The following DLGAP2 variants were observed in gnomAD, a reference collection of about 807,000 sequenced individuals.
The protein encoded by DLGAP2 is disks large-associated protein 2.
In DLGAP2, 26 loss-of-function variants were observed where a neutral mutation model predicts 100.3. The observed-to-expected ratio is 0.26, with a 90% CI of 0.19 to 0.36. DLGAP2 has a LOEUF of 0.36. Ranked by LOEUF, DLGAP2 falls within the 10% of genes least tolerant of loss-of-function variation. The probability of loss-of-function intolerance (pLI) is 1.00; values close to 1 mark genes in which losing one functional copy is unlikely to be tolerated. For missense variants in DLGAP2, 1,858 were observed against 1,453.2 expected (o/e 1.28, Z -4.53); for synonymous variants, 886 against 630.1 (o/e 1.41, Z -6.08).
intron 1 of DLGAP2, among the ~76,000 whole-genome samples, chr8:807,837 T>A (rs1339402022): frequency 2.0e-5 from 3 of 152,152 alleles, no homozygotes; most frequent in African/African-American, 7.2e-5. Flanking sequence ...ACGGGGGTGC[T>A]GGTGCACAGG....
intron 3 of DLGAP2, among the ~76,000 whole-genome samples, chr8:1,295,270 T>C (rs1800145004): frequency 6.6e-6 from 1 of 152,142 alleles, no homozygotes; most frequent in Non-Finnish European, 1.5e-5. Context: ...TTTCTTTCCA[T>C]GGGATAGATA....
intron 3 of DLGAP2, among the ~76,000 whole-genome samples, chr8:1,364,146 T>G (rs1802051970): frequency 6.6e-6 from 1 of 152,186 alleles, no homozygotes; most frequent in Non-Finnish European, 1.5e-5. Flanking sequence ...CCGTCTCCCG[T>G]GCCTCCTCCC....
intron 2 of DLGAP2, among the ~76,000 whole-genome samples, chr8:1,078,403 T>C (rs1803694251): frequency 6.6e-6 from 1 of 152,196 alleles, no homozygotes; most frequent in Non-Finnish European, 1.5e-5. Context: ...CCAGTATTGA[T>C]CCATGATTAT....
intron 12 of DLGAP2, among the ~76,000 whole-genome samples, chr8:1,683,023 C>T (rs1011214685): frequency 9.9e-5 from 15 of 151,394 alleles, no homozygotes; most frequent in Admixed American, 5.9e-4. Flanking sequence ...TGATTACTTA[C>T]GACGAAGCAA....
chr8:1,308,858 G>T (rs1188630852), intron 3 of DLGAP2, among the ~76,000 whole-genome samples: 1 of 152,004 alleles, frequency 6.6e-6, no homozygotes, highest in Non-Finnish European at 1.5e-5. Flanking sequence ...TCTTAAATAT[G>T]CCCCAAAACT....
intron 8 of DLGAP2, among the ~76,000 whole-genome samples, chr8:1,640,088 A>G (rs1585022439): frequency 6.6e-6 from 1 of 152,222 alleles, no homozygotes; most frequent in African/African-American, 2.4e-5. Flanking sequence ...GCATGAATGA[A>G]TGAGGTCTTC....
chr8:1,641,261 C>A (rs1002605915), intron 8 of DLGAP2, among the ~76,000 whole-genome samples: 2 of 152,194 alleles, frequency 1.3e-5, no homozygotes, highest in Non-Finnish European at 2.9e-5. Context: ...GTATCAGGAA[C>A]TGCATATGTA....
intron 5 of DLGAP2, among the ~76,000 whole-genome samples, chr8:1,560,693 T>G (rs188616828): frequency 6.6e-6 from 1 of 152,388 alleles, no homozygotes; most frequent in East Asian, 1.9e-4. Flanking sequence ...CCCAAAGTTG[T>G]GAATTCTTTA....
At chr8:1,292,955 G>A (rs563495307) in intron 3 of DLGAP2, among the ~76,000 whole-genome samples, 19 of 152,266 alleles carry the variant, frequency 1.2e-4, no homozygotes, top group East Asian at 5.8e-4. Flanking sequence ...GACCCTGGGC[G>A]TGTCCGTCTC....
chr8:1,164,201 G>GCC (rs151304506), intron 2 of DLGAP2, among the ~76,000 whole-genome samples: 3,836 of 22,626 alleles, frequency 0.17, 281 homozygotes, highest in Non-Finnish European at 0.18. Context: ...TTTTCTGTGA[G>GCC]CCCCCAGGGC....
Position 1,350,408 on chromosome 8 carries a change from C to G in DLGAP2, c.106+91525C>G, listed in dbSNP as rs62486258. Among the ~76,000 whole-genome samples, 68 of 23,250 alleles carry G rather than the reference C, an allele frequency of 2.9e-3. 1 individual carries two copies. The highest frequency in any genetic ancestry group is 3.1e-3 in the East Asian group (1 of 326). The allele number at this position is 23,250 out of a possible 152,430, so 15.3% of individuals were successfully genotyped here. On this transcript the variant is annotated intron_variant, in intron 3 of 14. Transcript: ENST00000637795. The stretch of plus-strand genomic sequence containing the variant: ...CGTGGAAAGGCCGCGCGGGTCCTGA[C>G]TGTGCGTGGAAAGGCCGCGCGGGTC...
intron 6 of DLGAP2, among the ~76,000 whole-genome samples, chr8:1,572,636 G>A (rs1453531483): frequency 1.5e-5 from 2 of 136,764 alleles, no homozygotes; most frequent in African/African-American, 2.8e-5. Context: ...TGATGGGATG[G>A]AGAGGAGAGA....
intron 1 of DLGAP2, among the ~76,000 whole-genome samples, chr8:758,705 G>A (rs897861918): frequency 2.6e-5 from 4 of 152,040 alleles, no homozygotes; most frequent in Non-Finnish European, 4.4e-5. Flanking sequence ...GGTACTACAG[G>A]TGTGCACCAC....
intron 2 of DLGAP2, among the ~76,000 whole-genome samples, chr8:1,205,595 G>C (rs1164790354): frequency 3.3e-5 from 5 of 152,212 alleles, no homozygotes; most frequent in African/African-American, 7.2e-5. Context: ...GAGGCACCAA[G>C]AGCTGCCGCT....
intron 1 of DLGAP2, among the ~76,000 whole-genome samples, chr8:896,754 G>C (rs1396994449): frequency 6.6e-6 from 1 of 152,138 alleles, no homozygotes; most frequent in Non-Finnish European, 1.5e-5. Context: ...CTCCGCGCTG[G>C]ACCTGCAGCC....
intron 3 of DLGAP2, among the ~76,000 whole-genome samples, chr8:1,314,456 G>A (rs968816138): frequency 6.6e-6 from 1 of 152,204 alleles, no homozygotes; most frequent in African/African-American, 2.4e-5. Context: ...CTCTAGAGCT[G>A]TCTGTGCTGT....
chr8:1,634,949 C>A (rs1040131233), intron 8 of DLGAP2, among the ~76,000 whole-genome samples: 1 of 152,080 alleles, frequency 6.6e-6, no homozygotes, highest in Non-Finnish European at 1.5e-5. Flanking sequence ...GAGTTTCTAC[C>A]GGATCTTGGC....
intron 3 of DLGAP2, 67 bp from the exon 4 acceptor site, chr8:1,501,299 G>C: frequency 6.7e-7 from 1 of 1,481,884 alleles, no homozygotes; most frequent in Non-Finnish European, 9.1e-7. Context: ...TTTTGAAGAT[G>C]TGCAGGGAAT....
chr8:1,666,573 G>T (rs536253017), intron 8 of DLGAP2, among the ~76,000 whole-genome samples: 1 of 151,912 alleles, frequency 6.6e-6, no homozygotes, highest in African/African-American at 2.4e-5. Flanking sequence ...CCAGCTACTC[G>T]GGAGGCAGAG....
Sources: allele counts gnomAD v4.1 joint callset (sites outside exome capture counted in the v4.1 genomes callset), GRCh38; gene constraint gnomAD v4.1.1; transcripts MANE v1.5; gene names NCBI Gene and HGNC (gene_info 2026-07-23, HGNC 2026-07-21).